FOXJ3: variants seen among roughly 807,000 people sequenced by gnomAD.
FOXJ3 encodes forkhead box protein J3.
Under a neutral mutation model 76.1 loss-of-function variants are expected in FOXJ3, and 22 were observed. That is an observed-to-expected ratio of 0.29 (90% CI 0.21 to 0.41). FOXJ3 has a LOEUF of 0.41. FOXJ3 is among the 10% of genes least tolerant of loss of function. The pLI is 1.00. For missense variants in FOXJ3, 613 were observed against 762.1 expected (o/e 0.80, Z 2.30); for synonymous variants, 269 against 261.2 (o/e 1.03, Z -0.29).
intron 4 of FOXJ3, among the ~76,000 whole-genome samples, chr1:42,242,264 A>C (rs566601822): frequency 6.6e-6 from 1 of 152,286 alleles, no homozygotes; most frequent in East Asian, 1.9e-4. Context: ...GATTCCAATG[A>C]AAACGAAACT....
At chr1:42,209,124 T>C (rs982681286) in intron 5 of FOXJ3, among the ~76,000 whole-genome samples, 1 of 152,242 alleles carries the variant, frequency 6.6e-6, no homozygotes, top group Non-Finnish European at 1.5e-5. Context: ...TCTGCTGACA[T>C]GCTCTTATAT....
At chr1:42,302,853 T>C (rs963387110) in intron 2 of FOXJ3, among the ~76,000 whole-genome samples, 7 of 151,940 alleles carry the variant, frequency 4.6e-5, no homozygotes, top group Non-Finnish European at 8.8e-5. Flanking sequence ...TTACCTCTGA[T>C]ATATGATTCC....
At position 42,194,981 on chromosome 1, in the gene FOXJ3, T is replaced by C. The variant is rs1339494027; in HGVS notation, c.843A>G (p.Gln281=). The part of the protein sequence containing the change: ...PQYNLPERDK[Q]LLFSEYNFED... The stretch of plus-strand genomic sequence containing the variant: ...CAAAATTATATTCTGAGAAAAGTAG[T>C]TGCTTGTCTCTTTCTGGAAGGTTGT... Residue 281 remains glutamine (Q), a synonymous_variant, in exon 8 of 13, where the codon CAA becomes CAG. Transcript: ENST00000361346. The C allele has an allele frequency of 6.2e-7, 1 of 1,612,622 alleles. No homozygotes were observed. Among genetic ancestry groups the C allele is most frequent in the South Asian group, 1.1e-5 (1 of 91,012 alleles).
Position 42,179,673 on chromosome 1 carries a change from G to A in FOXJ3, c.*37C>T. The A allele has an allele frequency of 1.6e-6, 2 of 1,284,402 alleles. No homozygotes were observed. Among genetic ancestry groups the A allele is most frequent in the Non-Finnish European group, 2.3e-6 (2 of 880,520 alleles). The allele number at this position is 1,284,402 out of a possible 1,614,324, so 79.6% of individuals were successfully genotyped here. A position where few individuals can be genotyped will look rare whatever the true frequency, so the allele number is the denominator to read the frequency against. On this transcript the variant is annotated 3_prime_UTR_variant, in exon 13 of 13. Coordinates refer to ENST00000361346, the MANE Select transcript of FOXJ3 (RefSeq NM_014947.5). The stretch of plus-strand genomic sequence containing the variant: ...AACCTTTCCCTTCACTGCACAGAAA[G>A]GTAACGTTAGGGTCTGGTGTCTTGC...
intron 2 of FOXJ3, among the ~76,000 whole-genome samples, chr1:42,296,458 C>T (rs1322250203): frequency 2.6e-5 from 4 of 152,180 alleles, no homozygotes; most frequent in Non-Finnish European, 5.9e-5. Flanking sequence ...TTAATCCATC[C>T]GTCCTGAGTT....
intron 5 of FOXJ3, chr1:42,206,150 T>C (rs1646857221): frequency 5.9e-6 from 2 of 337,772 alleles, no homozygotes; most frequent in South Asian, 9.0e-5. Flanking sequence ...AATGATCCCC[T>C]AATATCCATT....
At chr1:42,249,588 A>G (rs2124560030) in intron 4 of FOXJ3, among the ~76,000 whole-genome samples, 1 of 152,320 alleles carries the variant, frequency 6.6e-6, no homozygotes, top group South Asian at 2.1e-4. Flanking sequence ...TTAACGTACA[A>G]TTTGAAAAGT....
At chr1:42,291,987 T>C (rs574602983) in intron 2 of FOXJ3, among the ~76,000 whole-genome samples, 13 of 151,802 alleles carry the variant, frequency 8.6e-5, no homozygotes, top group African/African-American at 3.1e-4. Context: ...AGGGTCCCGA[T>C]GCCGGTGGGA....
chr1:42,309,550 T>C (rs1654680234), intron 2 of FOXJ3, among the ~76,000 whole-genome samples: 1 of 152,250 alleles, frequency 6.6e-6, no homozygotes, highest in Admixed American at 6.5e-5. Context: ...ACTTATACTA[T>C]TTTGTTTATT....
Position 42,248,704 on chromosome 1 carries a change from GA to G in FOXJ3, c.444+16410del, listed in dbSNP as rs577147326. ...AAAGCAAAGCCAGTGATATTGTCCA[GA>G]AAGAACTCAAGTCTCCTGTTTTTTC... On this transcript the variant is annotated intron_variant, in intron 4 of 12. Transcript: ENST00000361346. 1.7e-3 allele frequency among the ~76,000 whole-genome samples: 228 copies of G among 137,736 alleles called. 1 individual carries two copies. The highest frequency in any genetic ancestry group is 5.9e-3 in the African/African-American group (220 of 37,454). 90.4% of individuals were successfully genotyped at this position (137,736 alleles called of 152,430 possible).
At chr1:42,194,616 T>C (rs1032324885) in intron 8 of FOXJ3, among the ~76,000 whole-genome samples, 5 of 152,208 alleles carry the variant, frequency 3.3e-5, no homozygotes, top group African/African-American at 9.7e-5. Context: ...GTTTCCCATA[T>C]GGTATAGATG....
At chr1:42,266,871 G>C (rs1156366626) in intron 3 of FOXJ3, among the ~76,000 whole-genome samples, 1 of 152,100 alleles carries the variant, frequency 6.6e-6, no homozygotes. Flanking sequence ...TCTGGGGGAA[G>C]AATGGAAACA....
In FOXJ3 at chr1:42,179,654, T is replaced by C; in HGVS notation, c.*56A>G. Reference sequence around the variant, plus strand: ...TCTCAACTGGATTCTCTTAAACCTTTCCCTTCACTGCACAGAAAGGTAACG... The same window carrying C: ...TCTCAACTGGATTCTCTTAAACCTTCCCCTTCACTGCACAGAAAGGTAACG... On this transcript the variant is annotated 3_prime_UTR_variant, in exon 13 of 13. Transcript: ENST00000361346. The C allele has an allele frequency of 3.8e-6, 4 of 1,066,530 alleles. No homozygotes were observed. The highest frequency in any genetic ancestry group is 2.4e-5 in the East Asian group (1 of 42,054). The allele number at this position is 1,066,530 out of a possible 1,614,324, so 66.1% of individuals were successfully genotyped here. A position where few individuals can be genotyped will look rare whatever the true frequency, so the allele number is the denominator to read the frequency against.
intron 2 of FOXJ3, among the ~76,000 whole-genome samples, chr1:42,284,306 T>C (rs1652915025): frequency 6.6e-6 from 1 of 152,216 alleles, no homozygotes; most frequent in African/African-American, 2.4e-5. Flanking sequence ...CGAACTGTTA[T>C]CTGTGGAATT....
intron 4 of FOXJ3, among the ~76,000 whole-genome samples, chr1:42,230,914 T>TA (rs536913162): frequency 5.5e-4 from 84 of 152,282 alleles, no homozygotes; most frequent in African/African-American, 1.9e-3. Flanking sequence ...ATAGTAATAT[T>TA]ACTCACAACA....
chr1:42,198,035 A>G (rs1646686503), intron 7 of FOXJ3, among the ~76,000 whole-genome samples: 1 of 152,100 alleles, frequency 6.6e-6, no homozygotes, highest in Non-Finnish European at 1.5e-5. Context: ...TGTGGAACCT[A>G]CAGATACGGA....
Position 42,327,109 on chromosome 1 carries a change from T to C in FOXJ3, c.-18+7950A>G, listed in dbSNP as rs149350365. ...CACTTTTGAAAAAATATTATTCAAATGTAAGGTGGAAATCTTTTGAAAATA... is the reference window on the plus strand; with the variant it reads ...CACTTTTGAAAAAATATTATTCAAACGTAAGGTGGAAATCTTTTGAAAATA... On this transcript the variant is annotated intron_variant, in intron 1 of 12. Transcript: ENST00000361346. Among the ~76,000 whole-genome samples the C allele has an allele frequency of 1.5e-3, 223 of 152,328 alleles. 1 individual carries two copies. The highest frequency in any genetic ancestry group is 2.9e-3 in the Non-Finnish European group (194 of 68,022).
At chr1:42,274,604 A>G (rs1188965052) in intron 3 of FOXJ3, among the ~76,000 whole-genome samples, 1 of 152,208 alleles carries the variant, frequency 6.6e-6, no homozygotes, top group Non-Finnish European at 1.5e-5. Flanking sequence ...TTTGGAAAAT[A>G]ATAGTACCTA....
rs1423055574 is a variant in FOXJ3, at chr1:42,335,161, A to T, written c.-120T>A. On this transcript the variant is annotated 5_prime_UTR_variant, in exon 1 of 13. Coordinates refer to ENST00000361346, the MANE Select transcript of FOXJ3 (RefSeq NM_014947.5). Reference sequence around the variant, plus strand: ...CAACGGTGCCTACTGCGAGCGGTCGAGGCCCCGAGCAGCCCCGAGAGCGGC... The same window carrying T: ...CAACGGTGCCTACTGCGAGCGGTCGTGGCCCCGAGCAGCCCCGAGAGCGGC... 1 of 152,096 alleles carries T rather than the reference A, an allele frequency of 6.6e-6. No homozygotes were observed. Among genetic ancestry groups the T allele is most frequent in the Non-Finnish European group, 1.5e-5 (1 of 68,052 alleles). 9.4% of individuals were successfully genotyped at this position (152,096 alleles called of 1,614,324 possible).
Sources: gnomAD v4.1 joint callset for allele counts (sites outside exome capture counted in the v4.1 genomes callset) on GRCh38, gnomAD v4.1.1 for gene constraint, MANE v1.5 for transcripts, NCBI Gene and HGNC (gene_info 2026-07-23, HGNC 2026-07-21) for gene names.